SLC14A2: variants seen among roughly 807,000 people sequenced by gnomAD.
SLC14A2 encodes the protein solute carrier family 14 member 2.
A neutral mutation model predicts 104.6 loss-of-function variants in SLC14A2; 91 were observed. The ratio of observed to expected loss-of-function variants is 0.87; its 90% confidence interval spans 0.73 to 1.04. The LOEUF is 1.04. Ranked by LOEUF, SLC14A2 falls within the 50% of genes least tolerant of loss-of-function variation. The pLI, the probability that SLC14A2 is intolerant of heterozygous loss-of-function variation, is 0.00. For synonymous variants in SLC14A2, 476 were observed against 466.4 expected (o/e 1.02, Z -0.27); for missense variants, 1,189 against 1,156.0 (o/e 1.03, Z -0.41).
chr18:45,353,054 G>T (rs928574906), intron 1 of SLC14A2, among the ~76,000 whole-genome samples: 2 of 152,228 alleles, frequency 1.3e-5, no homozygotes, highest in Non-Finnish European at 2.9e-5. Context: ...ACACTCAGCA[G>T]TCTACGAGTG....
intron 1 of SLC14A2, among the ~76,000 whole-genome samples, chr18:45,309,078 A>G (rs2085052428): frequency 6.6e-6 from 1 of 152,212 alleles, no homozygotes; most frequent in African/African-American, 2.4e-5. Context: ...TTTCTGATCC[A>G]GTCATTGAGA....
chr18:45,455,243 C>A (rs536328699), intron 1 of SLC14A2, among the ~76,000 whole-genome samples: 1 of 152,264 alleles, frequency 6.6e-6, no homozygotes, highest in South Asian at 2.1e-4. Context: ...TTGGAACCAG[C>A]CCAAATGTCC....
chr18:45,174,833 C>T, the SLC14A2 span, among the ~76,000 whole-genome samples: 1 of 152,002 alleles, frequency 6.6e-6, no homozygotes, highest in Non-Finnish European at 1.5e-5. Flanking sequence ...AGAGAGCTAA[C>T]AGAAAAGGAA....
intron 1 of SLC14A2, among the ~76,000 whole-genome samples, chr18:45,280,236 A>G (rs1370646698): frequency 6.6e-6 from 1 of 152,168 alleles, no homozygotes; most frequent in African/African-American, 2.4e-5. Flanking sequence ...ACTGCCTGCC[A>G]GGAGCTAAGG....
chr18:45,455,928 G>T lies in SLC14A2; in HGVS notation c.-124-27305G>T, dbSNP rs73955827. On this transcript the variant is annotated intron_variant, in intron 1 of 20. Coordinates refer to the SLC14A2 transcript ENST00000586448. ...TAAGATGGTTGTGAAGGGATTTCTG[G>T]TAAGGGGGCTTTGAGCACACACCTA... is the stretch of plus-strand genomic sequence containing the variant. Among the ~76,000 whole-genome samples the T allele has an allele frequency of 7.4e-3, 1,134 of 152,264 alleles. 13 individuals are homozygous for T. Among genetic ancestry groups the T allele is most frequent in the African/African-American group, 0.026 (1,082 of 41,534 alleles).
At chr18:45,650,436 T>C (rs1204791572) in intron 10 of SLC14A2, among the ~76,000 whole-genome samples, 1 of 152,142 alleles carries the variant, frequency 6.6e-6, no homozygotes, top group Non-Finnish European at 1.5e-5. Flanking sequence ...TGGGCCCCTG[T>C]GTAGCCTGCC....
chr18:45,479,019 G>A lies in SLC14A2; in HGVS notation c.-124-4214G>A, dbSNP rs114057934. On this transcript the variant is annotated intron_variant, in intron 1 of 20. Transcript: ENST00000586448. ...CTCTTTGGCAAACTCTGTGCTCTGCGAGCTTTGCTTGAGGTCTTTGGCAGC... is the reference window on the plus strand; with the variant it reads ...CTCTTTGGCAAACTCTGTGCTCTGCAAGCTTTGCTTGAGGTCTTTGGCAGC... Among the ~76,000 whole-genome samples the A allele has an allele frequency of 9.5e-4, 145 of 152,316 alleles. 1 individual carries two copies. The highest frequency in any genetic ancestry group is 3.1e-3 in the African/African-American group (130 of 41,568).
chr18:45,529,277 T>C lies in SLC14A2; in HGVS notation c.-35+45955T>C, dbSNP rs1354203414. 3.6e-4 allele frequency: 55 copies of C among 152,318 alleles called. 1 individual carries two copies. The highest frequency in any genetic ancestry group is 3.3e-3 in the Admixed American group (51 of 15,288). 9.4% of individuals were successfully genotyped at this position (152,318 alleles called of 1,614,324 possible). On this transcript the variant is annotated intron_variant, in intron 2 of 20. Coordinates refer to the SLC14A2 transcript ENST00000586448. Reference sequence around the variant, plus strand: ...AACCTTGTGCAGAAAAAATACTGTTTTAAAAAGCAGACATCTCACTGTGGT... The same window carrying C: ...AACCTTGTGCAGAAAAAATACTGTTCTAAAAAGCAGACATCTCACTGTGGT...
chr18:45,482,831 G>A (rs1008274757), intron 1 of SLC14A2, among the ~76,000 whole-genome samples: 1 of 152,102 alleles, frequency 6.6e-6, no homozygotes, highest in Non-Finnish European at 1.5e-5. Flanking sequence ...CAAGGGGGTG[G>A]GGATCAAAGG....
At chr18:45,589,410 C>T (rs576622710) in intron 2 of SLC14A2, among the ~76,000 whole-genome samples, 3 of 152,152 alleles carry the variant, frequency 2.0e-5, no homozygotes, top group African/African-American at 7.2e-5. Flanking sequence ...TTGTTTTCAA[C>T]ATGGTGAGGG....
chr18:45,206,070 G>T, the SLC14A2 span, among the ~76,000 whole-genome samples: 3 of 152,220 alleles, frequency 2.0e-5, no homozygotes, highest in Non-Finnish European at 4.4e-5. Context: ...GAGGAGCAAA[G>T]TGTGTTGTTT....
chr18:45,399,664 GT>G (rs146983755), intron 1 of SLC14A2, among the ~76,000 whole-genome samples: 2,556 of 152,060 alleles, frequency 0.017, 74 homozygotes, highest in African/African-American at 0.058. Flanking sequence ...ATGGTGGGAT[GT>G]TTTTTTCCAT....
At chr18:45,613,095 C>T (rs920625300), upstream of SLC14A2, among the ~76,000 whole-genome samples, 2 of 152,268 alleles carry the variant, frequency 1.3e-5, no homozygotes, top group South Asian at 2.1e-4. Flanking sequence ...AGTGCAGTAG[C>T]GCAATCTCGG....
intron 2 of SLC14A2, among the ~76,000 whole-genome samples, chr18:45,535,845 C>G (rs1004853636): frequency 6.6e-6 from 1 of 152,212 alleles, no homozygotes; most frequent in Non-Finnish European, 1.5e-5. Context: ...CCTAGTGCCT[C>G]TCCTCTGCCA....
At chr18:45,515,424 C>T (rs558819629) in intron 2 of SLC14A2, 1 of 152,254 alleles carries the variant, frequency 6.6e-6, no homozygotes, top group South Asian at 2.1e-4. Context: ...TTCTGAGCTT[C>T]CATTTTCTCA....
At chr18:45,513,720 G>A (rs2043398690) in intron 2 of SLC14A2, among the ~76,000 whole-genome samples, 1 of 152,198 alleles carries the variant, frequency 6.6e-6, no homozygotes, top group African/African-American at 2.4e-5. Flanking sequence ...AGTTAGGGCT[G>A]TGGTCCCACA....
chr18:45,494,961 A>G (rs1018943233), intron 2 of SLC14A2, among the ~76,000 whole-genome samples: 2 of 148,168 alleles, frequency 1.3e-5, no homozygotes, highest in East Asian at 2.1e-4. Context: ...ATGGATCTCC[A>G]TAATATAAGC....
chr18:45,535,798 C>T (rs1411836634), intron 2 of SLC14A2, among the ~76,000 whole-genome samples: 1 of 152,188 alleles, frequency 6.6e-6, no homozygotes, highest in African/African-American at 2.4e-5. Flanking sequence ...AGAAGTGAAC[C>T]AGATCCCTAC....
At chr18:45,527,080 G>C (rs1398401592) in intron 2 of SLC14A2, among the ~76,000 whole-genome samples, 1 of 152,170 alleles carries the variant, frequency 6.6e-6, no homozygotes, top group Non-Finnish European at 1.5e-5. Flanking sequence ...GGCATGACTT[G>C]CCCAAAAGTC....
Sources: gnomAD v4.1 joint callset for allele counts (sites outside exome capture counted in the v4.1 genomes callset) on GRCh38, gnomAD v4.1.1 for gene constraint, MANE v1.5 for transcripts, NCBI Gene and HGNC (gene_info 2026-07-23, HGNC 2026-07-21) for gene names.